SGMS1: variants seen among roughly 807,000 people sequenced by gnomAD.
The protein encoded by SGMS1 is sphingomyelin synthase 1, also known as phosphatidylcholine:ceramide cholinephosphotransferase 1.
In SGMS1, 13 loss-of-function variants were observed where a neutral mutation model predicts 46.2. That is an observed-to-expected ratio of 0.28 (90% CI 0.18 to 0.45). The LOEUF (loss-of-function observed/expected upper bound fraction) is 0.45, where lower values mean the gene tolerates loss of function less well. Ranked by LOEUF, SGMS1 falls within the 20% of genes least tolerant of loss-of-function variation. The probability of loss-of-function intolerance (pLI) is 1.00; values close to 1 mark genes in which losing one functional copy is unlikely to be tolerated. For missense variants in SGMS1, 324 were observed against 519.9 expected (o/e 0.62, Z 3.66); for synonymous variants, 203 against 187.8 (o/e 1.08, Z -0.66).
In SGMS1 at chr10:50,384,489, C is replaced by T. The variant is rs1326560953; in HGVS notation, c.-231-40144G>A. 2.0e-5 allele frequency among the ~76,000 whole-genome samples: 3 copies of T among 151,218 alleles called. No individual in the cohort carries two copies. The East Asian group carries it at 5.8e-4, about 29-fold the overall frequency. Reference sequence around the variant, plus strand: ...CCTTCCTTCCCTCCTTCCCTCCATCCCTGCTTGCCTTCCTTTCTCTTTTCT... The same window carrying T: ...CCTTCCTTCCCTCCTTCCCTCCATCTCTGCTTGCCTTCCTTTCTCTTTTCT... On this transcript the variant is annotated intron_variant, in intron 6 of 10. Transcript: ENST00000361781.
At chr10:50,395,061 G>A (rs938654043) in intron 6 of SGMS1, among the ~76,000 whole-genome samples, 4 of 152,120 alleles carry the variant, frequency 2.6e-5, no homozygotes, top group Non-Finnish European at 4.4e-5. Context: ...CATCTAACAA[G>A]CTTGTCCCTT....
chr10:50,457,502 T>A (rs376501891), intron 5 of SGMS1, among the ~76,000 whole-genome samples: 17 of 152,262 alleles, frequency 1.1e-4, no homozygotes, highest in African/African-American at 4.1e-4. Flanking sequence ...TGAGGCTTGG[T>A]GTACGAAGGA....
intron 2 of SGMS1, among the ~76,000 whole-genome samples, chr10:50,588,457 T>C (rs938726377): frequency 1.3e-5 from 2 of 152,130 alleles, no homozygotes; most frequent in Non-Finnish European, 2.9e-5. Flanking sequence ...TAACTGATGG[T>C]GTAATTGGCT....
At chr10:50,390,620 G>A (rs1201935404) in intron 6 of SGMS1, among the ~76,000 whole-genome samples, 3 of 151,790 alleles carry the variant, frequency 2.0e-5, no homozygotes, top group African/African-American at 7.2e-5. Context: ...CCTAGGTAAT[G>A]GAACAAGACC....
At chr10:50,560,058 T>G (rs1564432057) in intron 2 of SGMS1, among the ~76,000 whole-genome samples, 2 of 130,322 alleles carry the variant, frequency 1.5e-5, no homozygotes, top group South Asian at 4.9e-4. Context: ...ATATAAAATA[T>G]AAATAATATA....
chr10:50,497,447 A>C (rs1837624282), intron 3 of SGMS1, among the ~76,000 whole-genome samples: 1 of 152,222 alleles, frequency 6.6e-6, no homozygotes, highest in African/African-American at 2.4e-5. Context: ...TATGGAGCTG[A>C]ACAGAACCAG....
At chr10:50,481,135 G>A (rs1434509908) in intron 3 of SGMS1, among the ~76,000 whole-genome samples, 1 of 152,230 alleles carries the variant, frequency 6.6e-6, no homozygotes, top group Non-Finnish European at 1.5e-5. Context: ...GAGCAGTCTG[G>A]ACCAAGGGGA....
intron 5 of SGMS1, among the ~76,000 whole-genome samples, chr10:50,437,068 G>A (rs1849483053): frequency 6.6e-6 from 1 of 152,190 alleles, no homozygotes; most frequent in Non-Finnish European, 1.5e-5. Flanking sequence ...AAGACATAAT[G>A]TCTATACACA....
At chr10:50,442,488 T>A (rs1159522751) in intron 5 of SGMS1, among the ~76,000 whole-genome samples, 1 of 152,174 alleles carries the variant, frequency 6.6e-6, no homozygotes, top group Non-Finnish European at 1.5e-5. Flanking sequence ...GGCCTCCAGC[T>A]CCATCCATGT....
intron 7 of SGMS1, among the ~76,000 whole-genome samples, chr10:50,336,926 T>G (rs1170606388): frequency 6.6e-6 from 1 of 152,176 alleles, no homozygotes; most frequent in African/African-American, 2.4e-5. Flanking sequence ...AGGATAATAA[T>G]TTTTGACATG....
intron 6 of SGMS1, among the ~76,000 whole-genome samples, chr10:50,416,157 G>C (rs56268559): frequency 0.19 from 28,838 of 152,096 alleles, 2,940 homozygotes; most frequent in Admixed American, 0.24. Context: ...TTAAAAATCT[G>C]CTTTGAACCA....
At chr10:50,475,774 G>C (rs1413866442) in intron 3 of SGMS1, among the ~76,000 whole-genome samples, 1 of 151,936 alleles carries the variant, frequency 6.6e-6, no homozygotes, top group East Asian at 1.9e-4. Flanking sequence ...CCATTCTCCT[G>C]TCAACCATGT....
chr10:50,325,510 A>G (rs1306476513), intron 8 of SGMS1, among the ~76,000 whole-genome samples: 1 of 152,232 alleles, frequency 6.6e-6, no homozygotes, highest in Non-Finnish European at 1.5e-5. Flanking sequence ...TTTTGTGAAC[A>G]GTTCCTGCTG....
At chr10:50,509,552 G>A (rs78416600) in intron 3 of SGMS1, among the ~76,000 whole-genome samples, 6,531 of 152,236 alleles carry the variant, frequency 0.043, 475 homozygotes, top group African/African-American at 0.15. Context: ...TAATGGCAAA[G>A]GAATCAGGAG....
chr10:50,532,859 T>C (rs2133806598), intron 2 of SGMS1, among the ~76,000 whole-genome samples: 1 of 152,352 alleles, frequency 6.6e-6, no homozygotes, highest in South Asian at 2.1e-4. Flanking sequence ...GACTGATAGC[T>C]GATTTCTTTG....
intron 7 of SGMS1, among the ~76,000 whole-genome samples, chr10:50,333,582 G>T (rs1319958753): frequency 1.3e-5 from 2 of 152,114 alleles, no homozygotes; most frequent in African/African-American, 2.4e-5. Flanking sequence ...ACCCATCACA[G>T]CCTCAGGTAT....
intron 2 of SGMS1, among the ~76,000 whole-genome samples, chr10:50,523,191 C>A (rs575553217): frequency 2.0e-5 from 3 of 152,152 alleles, no homozygotes; most frequent in Non-Finnish European, 4.4e-5. Context: ...CCTTAGGAGG[C>A]AAGACCAGCA....
chr10:50,461,529 T>A (rs1837264082), intron 4 of SGMS1, among the ~76,000 whole-genome samples: 1 of 152,226 alleles, frequency 6.6e-6, no homozygotes, highest in Non-Finnish European at 1.5e-5. Flanking sequence ...ATTTTCTTTT[T>A]TTTCCTGTGA....
At chr10:50,427,004 TAATCA>T (rs1426283658) in intron 6 of SGMS1, among the ~76,000 whole-genome samples, 6 of 152,134 alleles carry the variant, frequency 3.9e-5, no homozygotes, top group African/African-American at 7.2e-5. Flanking sequence ...GAAACAAAAA[TAATCA>T]AATCAAAGAA....
Sources: gnomAD v4.1 joint callset for allele counts (sites outside exome capture counted in the v4.1 genomes callset) on GRCh38, gnomAD v4.1.1 for gene constraint, MANE v1.5 for transcripts, NCBI Gene and HGNC (gene_info 2026-07-23, HGNC 2026-07-21) for gene names.